The following B3GAT2 variants were observed in gnomAD, a reference collection of about 807,000 sequenced individuals.
B3GAT2 encodes galactosylgalactosylxylosylprotein 3-beta-glucuronosyltransferase 2.
In B3GAT2, 26 loss-of-function variants were observed where a neutral mutation model predicts 27.8. The ratio of observed to expected loss-of-function variants is 0.93; its 90% CI spans 0.68 to 1.30. B3GAT2 has a LOEUF of 1.30. B3GAT2 is among the 50% of genes most tolerant of loss of function. The pLI is 0.00. For missense variants in B3GAT2, 458 were observed against 459.0 expected, an observed-to-expected ratio of 1.00 and a Z score of 0.02; for synonymous variants, 218 against 195.1, an observed-to-expected ratio of 1.12 and a Z score of -0.98.
chr6:70,859,290 A>T lies in B3GAT2; in HGVS notation c.*2373T>A. 2 of 1,459,774 alleles carry T rather than the reference A, an allele frequency of 1.4e-6. No individual in the cohort carries two copies. The highest frequency in any genetic ancestry group is 1.9e-6 in the Non-Finnish European group (2 of 1,076,604). 90.4% of individuals were successfully genotyped at this position (1,459,774 alleles called of 1,614,324 possible). A position where few individuals can be genotyped will look rare whatever the true frequency, so the allele number is the denominator to read the frequency against. On this transcript the variant is annotated 3_prime_UTR_variant, in exon 4 of 4. Transcript: ENST00000230053. ...CACCCAGCTCAGGTTAAGGTGCTAG[A>T]TGAACCAGGAAGGAGTTAATACTGG... is the stretch of plus-strand genomic sequence containing the variant.
At chr6:70,913,785 T>C (rs1373779649) in intron 1 of B3GAT2, among the ~76,000 whole-genome samples, 3 of 152,200 alleles carry the variant, frequency 2.0e-5, no homozygotes, top group Non-Finnish European at 4.4e-5. Context: ...GATTGAATAC[T>C]GTTAGTGGGG....
Position 70,957,025 on chromosome 6 carries a change from C to G in B3GAT2, c.-596G>C. ...GCGGAAGCCTGCTCTCAGTCCCTTG[C>G]TCTTGTCTTCTCAGAACCTCTCCGG... On this transcript the variant is annotated 5_prime_UTR_variant, in exon 1 of 4. Coordinates refer to ENST00000230053, the MANE Select transcript of B3GAT2 (RefSeq NM_080742.3). The G allele has an allele frequency of 1.0e-6, 1 of 991,162 alleles. No individual in the cohort carries two copies. Among genetic ancestry groups the G allele is most frequent in the Non-Finnish European group, 1.2e-6 (1 of 834,260 alleles). 61.4% of individuals were successfully genotyped at this position (991,162 alleles called of 1,614,324 possible).
At position 70,859,750 on chromosome 6, in the gene B3GAT2, A is replaced by G. The variant is rs1297588180; in HGVS notation, c.*1913T>C. On this transcript the variant is annotated 3_prime_UTR_variant, in exon 4 of 4. Transcript: ENST00000230053. ...ATGTTTATGTTGTTAGATCAGCGAG[A>G]GAAATAAATGCTTTATGACCACTTT... The G allele has an allele frequency of 5.5e-6, 1 of 180,622 alleles. No individual in the cohort carries two copies. Among genetic ancestry groups the G allele is most frequent in the African/African-American group, 2.4e-5 (1 of 42,512 alleles). 11.2% of individuals were successfully genotyped at this position (180,622 alleles called of 1,614,324 possible). A position where few individuals can be genotyped will look rare whatever the true frequency, so the allele number is the denominator to read the frequency against.
intron 1 of B3GAT2, among the ~76,000 whole-genome samples, chr6:70,954,917 G>GGGA (rs1554218597): frequency 2.0e-5 from 3 of 151,500 alleles, no homozygotes; most frequent in Admixed American, 2.0e-4. Context: ...GGGGGCGGCG[G>GGGA]GGGGGGGCGG....
chr6:70,902,890 G>C (rs1409005414), intron 1 of B3GAT2, among the ~76,000 whole-genome samples: 2 of 151,964 alleles, frequency 1.3e-5, no homozygotes, highest in African/African-American at 4.8e-5. Flanking sequence ...GTTGGACAGG[G>C]AGTGAGGGGT....
At chr6:70,890,463 T>C (rs1031645147) in intron 2 of B3GAT2, among the ~76,000 whole-genome samples, 1 of 152,224 alleles carries the variant, frequency 6.6e-6, no homozygotes, top group African/African-American at 2.4e-5. Flanking sequence ...GCCTGCTCCT[T>C]CCACCTGGCT....
At chr6:70,920,385 AG>A (rs1772847653) in intron 1 of B3GAT2, among the ~76,000 whole-genome samples, 1 of 152,222 alleles carries the variant, frequency 6.6e-6, no homozygotes, top group African/African-American at 2.4e-5. Flanking sequence ...TTCCTCGGTG[AG>A]GGATGCCCCG....
chr6:70,893,822 C>T (rs139210629), intron 2 of B3GAT2, among the ~76,000 whole-genome samples: 1 of 152,228 alleles, frequency 6.6e-6, no homozygotes, highest in African/African-American at 2.4e-5. Flanking sequence ...CCAGGTCTAG[C>T]TCTCACCACC....
intron 1 of B3GAT2, among the ~76,000 whole-genome samples, chr6:70,897,120 G>A (rs557538691): frequency 6.6e-6 from 1 of 152,056 alleles, no homozygotes; most frequent in African/African-American, 2.4e-5. Context: ...ACTACTAATA[G>A]TGGTATCCCA....
intron 2 of B3GAT2, among the ~76,000 whole-genome samples, chr6:70,880,227 C>T (rs772623552): frequency 1.6e-4 from 25 of 152,104 alleles, no homozygotes; most frequent in Non-Finnish European, 1.9e-4. Context: ...GTGGCAGTGA[C>T]GGTTGGCTTA....
At chr6:70,880,937 G>T (rs1414289786) in intron 2 of B3GAT2, among the ~76,000 whole-genome samples, 1 of 152,154 alleles carries the variant, frequency 6.6e-6, no homozygotes, top group African/African-American at 2.4e-5. Context: ...CCAAAGTGCT[G>T]GGATTACAGA....
At chr6:70,876,827 G>C (rs1772022130) in intron 2 of B3GAT2, among the ~76,000 whole-genome samples, 1 of 152,224 alleles carries the variant, frequency 6.6e-6, no homozygotes, top group Admixed American at 6.5e-5. Flanking sequence ...TATGGGCACA[G>C]CTGTGCCACA....
chr6:70,877,250 G>A (rs913601808), intron 2 of B3GAT2, among the ~76,000 whole-genome samples: 4 of 152,168 alleles, frequency 2.6e-5, no homozygotes, highest in Non-Finnish European at 5.9e-5. Flanking sequence ...AGAGAGTGCT[G>A]GAGAAGGTCA....
intron 2 of B3GAT2, among the ~76,000 whole-genome samples, chr6:70,885,700 C>A (rs1395270398): frequency 3.3e-5 from 5 of 152,206 alleles, no homozygotes; most frequent in African/African-American, 9.6e-5. Flanking sequence ...ATTCACAGAA[C>A]AGCAGGAACT....
At chr6:70,955,335 C>T (rs528043405) in intron 1 of B3GAT2, among the ~76,000 whole-genome samples, 47 of 152,192 alleles carry the variant, frequency 3.1e-4, no homozygotes, top group African/African-American at 1.1e-3. Context: ...CTCCACCTTT[C>T]TCCCTATATG....
chr6:70,921,882 G>A (rs780668849), intron 1 of B3GAT2, among the ~76,000 whole-genome samples: 23 of 152,158 alleles, frequency 1.5e-4, no homozygotes, highest in Non-Finnish European at 2.5e-4. Context: ...CATCACTCAT[G>A]GGCTATGTGA....
chr6:70,876,521 G>A (rs1018746173), intron 2 of B3GAT2, among the ~76,000 whole-genome samples: 2 of 152,146 alleles, frequency 1.3e-5, no homozygotes, highest in East Asian at 1.9e-4. Context: ...TTACACAAAT[G>A]TAAAATGCAG....
rs1222167607 is a variant in B3GAT2 at position 70,948,902 on chromosome 6, G to A, written c.591+6937C>T. ...ACAGAACAGAGCCCTCAGAAATAAC[G>A]CTGCATATCTACAACTATCTGATCT... On this transcript the variant is annotated intron_variant, in intron 1 of 3. Transcript: ENST00000230053. Among the ~76,000 whole-genome samples, 14 of 152,120 alleles carry A rather than the reference G, an allele frequency of 9.2e-5. No individual in the cohort carries two copies. In the South Asian group the frequency reaches 1.0e-3, roughly 11 times the overall value.
intron 2 of B3GAT2, among the ~76,000 whole-genome samples, chr6:70,864,570 TC>T (rs1221332786): frequency 6.6e-6 from 1 of 152,176 alleles, no homozygotes; most frequent in Non-Finnish European, 1.5e-5. Context: ...GGAGCACAAT[TC>T]AGATGCCCCA....
Sources: gnomAD v4.1 joint callset for allele counts (sites outside exome capture counted in the v4.1 genomes callset) on GRCh38, gnomAD v4.1.1 for gene constraint, MANE v1.5 for transcripts, NCBI Gene and HGNC (gene_info 2026-07-23, HGNC 2026-07-21) for gene names.